The following SNAP47 variants were observed in gnomAD, a reference collection of about 807,000 sequenced individuals.
The protein encoded by SNAP47 is synaptosome associated protein 47.
SNAP47 carries 20 observed loss-of-function variants against 31.4 expected under a neutral mutation model. The observed-to-expected ratio is 0.64, with a 90% CI of 0.45 to 0.93. The LOEUF (loss-of-function observed/expected upper bound fraction) is 0.93, where lower values mean the gene tolerates loss of function less well. SNAP47 is among the 40% of genes least tolerant of loss of function. The pLI is 0.00. For synonymous variants in SNAP47, 194 were observed against 213.4 expected (o/e 0.91, Z 0.79); for missense variants, 492 against 528.5 (o/e 0.93, Z 0.68).
At chr1:227,768,232 C>T in intron 4 of SNAP47, 5 of 978,068 alleles carry the variant, frequency 5.1e-6, no homozygotes, top group Non-Finnish European at 6.1e-6. Flanking sequence ...CAGCTTCCGT[C>T]TCGTCTTCCC....
chr1:227,728,196 G>A (rs1299609626), upstream of SNAP47, among the ~76,000 whole-genome samples: 1 of 152,186 alleles, frequency 6.6e-6, no homozygotes, highest in African/African-American at 2.4e-5. Context: ...GGCACCTCCG[G>A]GCTAGGAGGT....
chr1:227,757,019 G>A (rs1348347740), intron 2 of SNAP47, among the ~76,000 whole-genome samples: 1 of 152,216 alleles, frequency 6.6e-6, no homozygotes, highest in Admixed American at 6.5e-5. Flanking sequence ...TCCAGATGAG[G>A]GACGTCTCAG....
intron 4 of SNAP47, among the ~76,000 whole-genome samples, chr1:227,773,161 G>A (rs1445075938): frequency 7.1e-6 from 1 of 141,580 alleles, no homozygotes; most frequent in African/African-American, 2.7e-5. Flanking sequence ...TGTAGACATG[G>A]AGTCTCCCTA....
chr1:227,753,115 G>A (rs978011223), intron 2 of SNAP47, among the ~76,000 whole-genome samples: 6 of 152,248 alleles, frequency 3.9e-5, no homozygotes, highest in African/African-American at 1.4e-4. Flanking sequence ...CTAACTTGGA[G>A]TCAGTACTGT....
chr1:227,744,671 C>A (rs937239171), intron 1 of SNAP47, among the ~76,000 whole-genome samples: 6 of 151,600 alleles, frequency 4.0e-5, no homozygotes, highest in African/African-American at 1.5e-4. Flanking sequence ...AACAGAGAGA[C>A]CAATGGCAGA....
chr1:227,745,806 A>G (rs1251212197), intron 1 of SNAP47: 2 of 152,090 alleles, frequency 1.3e-5, no homozygotes, highest in African/African-American at 2.4e-5. Flanking sequence ...CATCCTTAGT[A>G]CCCGGCTCAC....
In SNAP47 at chr1:227,780,568, T is replaced by C; in HGVS notation, c.1155T>C (p.Ser385=). The part of the protein sequence containing the change: ...RMKGLALEAE[S]ELERQDEALD... ...AGGGGCTGGCCCTGGAGGCCGAGAG[T>C]GAGCTGGAGAGACAAGACGAAGCCC... Residue 385 remains serine, a synonymous_variant, in exon 5 of 5, where the codon AGT becomes AGC. Coordinates refer to ENST00000617596, the MANE Select transcript of SNAP47 (RefSeq NM_053052.4). The C allele has an allele frequency of 1.9e-6, 3 of 1,613,924 alleles. No individual in the cohort carries two copies. The highest frequency in any genetic ancestry group is 2.5e-6 in the Non-Finnish European group (3 of 1,179,974).
At chr1:227,776,200 C>G (rs1664148863) in intron 4 of SNAP47, 1 of 1,099,932 alleles carries the variant, frequency 9.1e-7, no homozygotes, top group Admixed American at 4.2e-5. Flanking sequence ...CAGGCATCCA[C>G]TGATGCTCTA....
chr1:227,740,240 G>C (rs1215325405), intron 1 of SNAP47, among the ~76,000 whole-genome samples: 1 of 152,254 alleles, frequency 6.6e-6, no homozygotes, highest in Non-Finnish European at 1.5e-5. Context: ...TGGGAGCAGA[G>C]GGCAGGGGAA....
intron 3 of SNAP47, among the ~76,000 whole-genome samples, chr1:227,759,883 C>G (rs941458563): frequency 6.6e-6 from 1 of 152,196 alleles, no homozygotes; most frequent in African/African-American, 2.4e-5. Flanking sequence ...AGTGAGTGCT[C>G]CCTCTGGGAA....
rs1663200553 is a variant in SNAP47 at position 227,763,606 on chromosome 1, C to A, written c.989-3353C>A. ...GGCTCGGGTTGGGCTGACTGGGGAG[C>A]CTGGGGGTACTGCATCAGCTGGCCT... is the stretch of plus-strand genomic sequence containing the variant. On this transcript the variant is annotated intron_variant, in intron 3 of 4. Coordinates refer to ENST00000617596, the MANE Select transcript of SNAP47 (RefSeq NM_053052.4). This position sits in a 1 kb window ranked among gnomAD's most constrained non-coding sequence, Gnocchi z 4.2. Among the ~76,000 whole-genome samples the A allele has an allele frequency of 6.6e-6, 1 of 152,170 alleles. No homozygotes were observed. Among genetic ancestry groups the A allele is most frequent in the Non-Finnish European group, 1.5e-5 (1 of 68,030 alleles).
At chr1:227,729,021 G>C (rs1462748354) in intron 1 of SNAP47, among the ~76,000 whole-genome samples, 3 of 152,330 alleles carry the variant, frequency 2.0e-5, no homozygotes, top group East Asian at 3.9e-4. Flanking sequence ...GTCCAGGCGG[G>C]GTCTGATTAG....
intron 4 of SNAP47, among the ~76,000 whole-genome samples, chr1:227,771,709 C>T (rs1287800162): frequency 7.6e-6 from 1 of 131,460 alleles, no homozygotes; most frequent in Non-Finnish European, 1.6e-5. Flanking sequence ...CACTCCTGTG[C>T]CCATGCCCCC....
At chr1:227,761,263 A>C (rs1663043299) in intron 3 of SNAP47, among the ~76,000 whole-genome samples, 1 of 152,210 alleles carries the variant, frequency 6.6e-6, no homozygotes, top group African/African-American at 2.4e-5. Context: ...TTTGCTTGCT[A>C]TTCCAGATGG....
intron 2 of SNAP47, among the ~76,000 whole-genome samples, chr1:227,752,986 A>G (rs1662473072): frequency 6.6e-6 from 1 of 152,042 alleles, no homozygotes; most frequent in Non-Finnish European, 1.5e-5. Flanking sequence ...TGGTTCTCAG[A>G]GTTGTTGGTT....
upstream of SNAP47, chr1:227,732,550 C>T (rs748566750): frequency 4.3e-6 from 7 of 1,613,272 alleles, no homozygotes; most frequent in East Asian, 4.5e-5. Flanking sequence ...GCTGCCTGTT[C>T]GAAACCCAAC....
At chr1:227,748,803 T>A (rs143291677) in intron 2 of SNAP47, among the ~76,000 whole-genome samples, 1 of 152,262 alleles carries the variant, frequency 6.6e-6, no homozygotes, top group African/African-American at 2.4e-5. Context: ...CCTGTCAGCA[T>A]TGGCCATTTG....
chr1:227,777,987 A>G (rs1454074957), intron 4 of SNAP47, among the ~76,000 whole-genome samples: 3 of 152,260 alleles, frequency 2.0e-5, no homozygotes, highest in Admixed American at 6.5e-5. Flanking sequence ...GTCAGCTTAC[A>G]TTGCATATCC....
chr1:227,756,237 C>T (rs1484688614), intron 2 of SNAP47, among the ~76,000 whole-genome samples: 1 of 152,158 alleles, frequency 6.6e-6, no homozygotes, highest in African/African-American at 2.4e-5. Context: ...TTAATAAAAG[C>T]AACACTTCTG....
Sources: gnomAD v4.1 joint callset for allele counts (sites outside exome capture counted in the v4.1 genomes callset) on GRCh38, gnomAD v4.1.1 for gene constraint, Gnocchi (gnomAD v3.1) non-coding constraint, MANE v1.5 for transcripts, NCBI Gene and HGNC (gene_info 2026-07-23, HGNC 2026-07-21) for gene names.